Variants in ERMP1 observed in about 807,000 individuals in gnomAD.
ERMP1 encodes the protein Felix-ina.
ERMP1 carries 86 observed loss-of-function variants against 92.0 expected under a neutral mutation model. The ratio of observed to expected loss-of-function variants is 0.93; its 90% CI spans 0.79 to 1.12. ERMP1 has a LOEUF of 1.12. Among genes scored for constraint, ERMP1 ranks in the 50% most tolerant of loss-of-function variants. The pLI, the probability that ERMP1 is intolerant of heterozygous loss-of-function variation, is 0.00. For missense variants in ERMP1, 1,342 were observed against 1,116.3 expected (o/e 1.20, Z -2.88); for synonymous variants, 530 against 412.8 (o/e 1.28, Z -3.44).
At chr9:5,791,198 A>T (rs1306884723) in intron 13 of ERMP1, 1 of 456,588 alleles carries the variant, frequency 2.2e-6, no homozygotes, top group South Asian at 1.5e-5. Context: ...AGAGACAGAG[A>T]GAGTGATTGA....
intron 5 of ERMP1, among the ~76,000 whole-genome samples, chr9:5,865,086 T>A (rs982648642): frequency 1.3e-5 from 2 of 152,196 alleles, no homozygotes; most frequent in African/African-American, 4.8e-5. Flanking sequence ...AATTGCTAGA[T>A]TAAAAATTAC....
At chr9:5,839,323 T>C (rs1830129866) in intron 6 of ERMP1, among the ~76,000 whole-genome samples, 1 of 152,228 alleles carries the variant, frequency 6.6e-6, no homozygotes, top group African/African-American at 2.4e-5. Context: ...TGAATTTACT[T>C]TTCCCTCCTT....
intron 8 of ERMP1, among the ~76,000 whole-genome samples, chr9:5,807,617 A>T (rs1286779682): frequency 1.3e-5 from 2 of 152,034 alleles, no homozygotes. Flanking sequence ...ATGGTGGCAC[A>T]CATCTGTAGT....
At chr9:5,794,301 G>A (rs1030314780) in intron 13 of ERMP1, among the ~76,000 whole-genome samples, 1 of 151,990 alleles carries the variant, frequency 6.6e-6, no homozygotes, top group Non-Finnish European at 1.5e-5. Context: ...TGCTTAGAAG[G>A]AAACTTATAG....
At chr9:5,855,300 A>T (rs1276486992) in intron 6 of ERMP1, among the ~76,000 whole-genome samples, 2 of 152,238 alleles carry the variant, frequency 1.3e-5, no homozygotes, top group Non-Finnish European at 2.9e-5. Flanking sequence ...AACTGTGGAC[A>T]TAGTCACTCC....
chr9:5,804,341 T>A (rs1828789557), intron 10 of ERMP1, among the ~76,000 whole-genome samples: 1 of 151,572 alleles, frequency 6.6e-6, no homozygotes, highest in African/African-American at 2.4e-5. Context: ...TCAAGGGGGG[T>A]CTGGTCTTAA....
chr9:5,833,093 C>T lies in ERMP1; in HGVS notation c.-66G>A, dbSNP rs1586830400. ...CGACAGCCCCGGCCGCCGCCGACGC[C>T]GCCGTCGCTGCCGCAGCGCCTCCTA... is the stretch of plus-strand genomic sequence containing the variant. On this transcript the variant is annotated 5_prime_UTR_variant, in exon 1 of 15. Coordinates refer to ENST00000339450, the MANE Select transcript of ERMP1 (RefSeq NM_024896.3). 3 of 1,338,260 alleles carry T rather than the reference C, an allele frequency of 2.2e-6. No individual in the cohort carries two copies. Among genetic ancestry groups the T allele is most frequent in the Non-Finnish European group, 2.9e-6 (3 of 1,034,824 alleles). 82.9% of individuals were successfully genotyped at this position (1,338,260 alleles called of 1,614,324 possible).
intron 4 of ERMP1, among the ~76,000 whole-genome samples, chr9:5,817,704 A>G (rs1829371159): frequency 6.6e-6 from 1 of 152,212 alleles, no homozygotes; most frequent in Non-Finnish European, 1.5e-5. Flanking sequence ...GGGCATGCGT[A>G]ACGTTCAGAG....
intron 5 of ERMP1, among the ~76,000 whole-genome samples, chr9:5,863,095 C>T (rs905337799): frequency 6.6e-6 from 1 of 152,306 alleles, no homozygotes; most frequent in Middle Eastern, 3.4e-3. Context: ...CCAATAATTA[C>T]AGCAGCAAGA....
intron 2 of ERMP1, 108 bp from the exon 3 acceptor site, chr9:5,825,327 G>C (rs1217720246): frequency 1.2e-5 from 13 of 1,053,690 alleles, no homozygotes; most frequent in South Asian, 1.7e-5. Flanking sequence ...CACAATAGCT[G>C]CATGACCAGA....
intron 13 of ERMP1, among the ~76,000 whole-genome samples, chr9:5,794,827 G>A (rs1218709862): frequency 6.6e-6 from 1 of 152,068 alleles, no homozygotes; most frequent in Non-Finnish European, 1.5e-5. Context: ...AAACATTTAA[G>A]GAAGGAATTA....
intron 8 of ERMP1, among the ~76,000 whole-genome samples, chr9:5,808,236 A>T (rs189750271): frequency 6.6e-6 from 1 of 152,280 alleles, no homozygotes; most frequent in South Asian, 2.1e-4. Flanking sequence ...AAGTGTTACG[A>T]TCAGACAACT....
chr9:5,784,907 C>A lies in ERMP1; in HGVS notation c.*2237G>T, dbSNP rs887191529. 6.6e-6 allele frequency: 1 copy of A among 152,288 alleles called. No individual in the cohort carries two copies. Among genetic ancestry groups the A allele is most frequent in the Non-Finnish European group, 1.5e-5 (1 of 68,038 alleles). The allele number at this position is 152,288 out of a possible 1,614,324, so 9.4% of individuals were successfully genotyped here. On this transcript the variant is annotated 3_prime_UTR_variant, in exon 15 of 15. Coordinates refer to ENST00000339450, the MANE Select transcript of ERMP1 (RefSeq NM_024896.3). ...TAGAAAATAATGCATTTGTTAGTGACTTTGTTAGAGCTTGAAAAGACCCTT... is the reference window on the plus strand; with the variant it reads ...TAGAAAATAATGCATTTGTTAGTGAATTTGTTAGAGCTTGAAAAGACCCTT...
chr9:5,840,744 T>A (rs182798706), intron 6 of ERMP1, among the ~76,000 whole-genome samples: 6 of 152,214 alleles, frequency 3.9e-5, no homozygotes, highest in Admixed American at 2.0e-4. Context: ...GTTAATAGGG[T>A]TGTCCTGAGG....
chr9:5,798,296 AACCTCC>A (rs1828528304), intron 12 of ERMP1, among the ~76,000 whole-genome samples: 1 of 151,908 alleles, frequency 6.6e-6, no homozygotes, highest in Admixed American at 6.6e-5. Context: ...GGCTCACCGC[AACCTCC>A]ACCTCCCGGG....
At chr9:5,814,979 TAACAC>T (rs2131246878) in intron 4 of ERMP1, among the ~76,000 whole-genome samples, 1 of 152,196 alleles carries the variant, frequency 6.6e-6, no homozygotes, top group South Asian at 2.1e-4. Flanking sequence ...TAAATGGGCT[TAACAC>T]AAAGTTTAAT....
intron 5 of ERMP1, among the ~76,000 whole-genome samples, chr9:5,864,684 G>A (rs73391340): frequency 0.03 from 4,524 of 152,256 alleles, 232 homozygotes; most frequent in African/African-American, 0.1. Context: ...TTCCTTACCA[G>A]GATGTAGGCA....
chr9:5,811,193 A>G lies in ERMP1; in HGVS notation c.1245T>C (p.Arg415=), dbSNP rs779500796. 3.1e-6 allele frequency: 5 copies of G among 1,614,142 alleles called. No homozygotes were observed. In the South Asian group the frequency reaches 3.3e-5, roughly 11 times the overall value. ...LGLFVIAYPS[R]IGSIINYMVV... ...CCATGTAGTTTATGATTGAGCCAAT[A>G]CGAGAGGGGTAGGCAATGACAAACA... Residue 415 remains arginine (R), a synonymous_variant, in exon 7 of 15, where the codon CGT becomes CGC. Transcript: ENST00000339450.
chr9:5,856,132 T>C, intron 6 of ERMP1: 1 of 335,288 alleles, frequency 3.0e-6, no homozygotes, highest in Admixed American at 4.0e-5. Context: ...CTAAATCCAC[T>C]TCATATATTT....
Sources: gnomAD v4.1 joint callset for allele counts (sites outside exome capture counted in the v4.1 genomes callset) on GRCh38, gnomAD v4.1.1 for gene constraint, MANE v1.5 for transcripts, NCBI Gene and HGNC (gene_info 2026-07-23, HGNC 2026-07-21) for gene names.